Variants in NCS1 observed in about 807,000 individuals in gnomAD.
NCS1 encodes neuronal calcium sensor 1.
In NCS1, 6 loss-of-function variants were observed where a neutral mutation model predicts 28.4. That is an observed-to-expected ratio of 0.21 (90% CI 0.12 to 0.42). NCS1 has a LOEUF of 0.42. NCS1 is among the 10% of genes least tolerant of loss of function. NCS1 has a pLI of 1.00. For missense variants in NCS1, 131 were observed against 241.4 expected, an observed-to-expected ratio of 0.54 and a Z score of 3.03; for synonymous variants, 86 against 99.3, an observed-to-expected ratio of 0.87 and a Z score of 0.79.
At chr9:130,217,615 G>A (rs544205438) in intron 2 of NCS1, among the ~76,000 whole-genome samples, 10 of 152,190 alleles carry the variant, frequency 6.6e-5, no homozygotes, top group Non-Finnish European at 1.0e-4. Flanking sequence ...TTATGCAGAC[G>A]AGGCTAGGAG....
chr9:130,213,480 C>T lies in NCS1; in HGVS notation c.90-4352C>T, dbSNP rs537343639. Among the ~76,000 whole-genome samples, 977 of 152,054 alleles carry T rather than the reference C, an allele frequency of 6.4e-3. 5 individuals are homozygous for T. Among genetic ancestry groups the T allele is most frequent in the Non-Finnish European group, 9.2e-3 (623 of 67,986 alleles). On this transcript the variant is annotated intron_variant, in intron 2 of 7. Transcript: ENST00000372398. ...ATTTTTAGTAGAGACGGGGTTTCACCGTGTCAGCCAGGATGGTCTCCATCT... is the reference window on the plus strand; with the variant it reads ...ATTTTTAGTAGAGACGGGGTTTCACTGTGTCAGCCAGGATGGTCTCCATCT...
rs921764467 is a variant in NCS1 at position 130,226,403 on chromosome 9, G to A, written c.489G>A (p.Lys163=). 5 of 1,614,118 alleles carry A rather than the reference G, an allele frequency of 3.1e-6. No homozygotes were observed. The highest frequency in any genetic ancestry group is 2.2e-5 in the East Asian group (1 of 44,876). The change falls in exon 7 of 8, where the codon AAG becomes AAA. Residue 163 remains lysine (K), a synonymous_variant. Transcript: ENST00000372398. The surrounding 1 kb of genome is among the most constrained non-coding windows in gnomAD (Gnocchi z 4.8). The part of the protein sequence containing the change: ...FAMMDKNADG[K]LTLQEFQEGS... Reference sequence around the variant, plus strand: ...TCTGCTCACAGAATGCCGACGGGAAGCTGACCCTGCAGGAGTTCCAGGAGG... The same window carrying A: ...TCTGCTCACAGAATGCCGACGGGAAACTGACCCTGCAGGAGTTCCAGGAGG...
At chr9:130,225,725 C>T (rs1196225265) in intron 6 of NCS1, among the ~76,000 whole-genome samples, 4 of 152,224 alleles carry the variant, frequency 2.6e-5, no homozygotes, top group South Asian at 2.1e-4. Context: ...ACGCAGCGAG[C>T]GATCCCTGAG....
At position 130,191,813 on chromosome 9, in the gene NCS1, C is replaced by T. The variant is rs551427983; in HGVS notation, c.65-9145C>T. Among the ~76,000 whole-genome samples the T allele has an allele frequency of 6.6e-6, 1 of 152,202 alleles. No homozygotes were observed. Among genetic ancestry groups the T allele is most frequent in the South Asian group, 2.1e-4 (1 of 4,836 alleles). The stretch of plus-strand genomic sequence containing the variant: ...GGGCAGCGAGCAGAGCAGACGGGGC[C>T]CGCCCACCTTTCCTGCCAGCCGCTG... On this transcript the variant is annotated intron_variant, in intron 1 of 7. Coordinates refer to ENST00000372398, the MANE Select transcript of NCS1 (RefSeq NM_014286.4). This position sits in a 1 kb window ranked among gnomAD's most constrained non-coding sequence, Gnocchi z 6.4.
intron 4 of NCS1, among the ~76,000 whole-genome samples, chr9:130,220,750 TTTC>T (rs1374977141): frequency 6.6e-6 from 1 of 150,498 alleles, no homozygotes; most frequent in African/African-American, 2.5e-5. Flanking sequence ...TTTTTCTTTC[TTTC>T]TTTTTTTTTT....
At chr9:130,189,119 G>A (rs2131124822) in intron 1 of NCS1, among the ~76,000 whole-genome samples, 1 of 152,322 alleles carries the variant, frequency 6.6e-6, no homozygotes, top group Middle Eastern at 3.4e-3. Flanking sequence ...AGGAACCTGT[G>A]TCTAGGTCAT....
intron 2 of NCS1, among the ~76,000 whole-genome samples, chr9:130,210,246 A>C (rs149477625): frequency 0.015 from 2,295 of 152,092 alleles, 49 homozygotes; most frequent in African/African-American, 0.052. Flanking sequence ...TAAAAATACA[A>C]AACTTAGCTG....
At chr9:130,173,154 C>G (rs2131109262) in intron 1 of NCS1, among the ~76,000 whole-genome samples, 1 of 151,626 alleles carries the variant, frequency 6.6e-6, no homozygotes, top group South Asian at 2.1e-4. Flanking sequence ...GCCGCCGCCG[C>G]TGCTGCGAGA....
At chr9:130,207,783 C>A (rs1833047777) in intron 2 of NCS1, among the ~76,000 whole-genome samples, 1 of 152,234 alleles carries the variant, frequency 6.6e-6, no homozygotes, top group African/African-American at 2.4e-5. Context: ...CACTGGGCAT[C>A]CCACGGTGCC....
rs1208969231 is a variant in NCS1, at chr9:130,219,665, C to A, written c.229-60C>A. 31 of 1,548,464 alleles carry A rather than the reference C, an allele frequency of 2.0e-5. No homozygotes were observed. The highest frequency in any genetic ancestry group is 2.6e-5 in the Non-Finnish European group (29 of 1,120,938). On this transcript the variant is annotated intron_variant, in intron 3 of 7. Transcript: ENST00000372398. The surrounding 1 kb of genome is among the most constrained non-coding windows in gnomAD (Gnocchi z 5.7). ...ACTGCCCCTCGCCCGTCCCGAGGTT[C>A]AGCCTGACCCGGTGGCCTGGCCGGC...
rs959470235 is a variant in NCS1, at chr9:130,181,148, C to T, written c.64+8421C>T. Reference sequence around the variant, plus strand: ...ACCCAGTGGGGAAGGTACGTCAGGGCCCCAGGGACGGAGTGTGCTTGGGCT... The same window carrying T: ...ACCCAGTGGGGAAGGTACGTCAGGGTCCCAGGGACGGAGTGTGCTTGGGCT... On this transcript the variant is annotated intron_variant, in intron 1 of 7. Coordinates refer to ENST00000372398, the MANE Select transcript of NCS1 (RefSeq NM_014286.4). This position sits in a 1 kb window ranked among gnomAD's most constrained non-coding sequence, Gnocchi z 5.0. Among the ~76,000 whole-genome samples the T allele has an allele frequency of 9.9e-5, 15 of 152,152 alleles. No homozygotes were observed. The highest frequency in any genetic ancestry group is 3.4e-4 in the African/African-American group (14 of 41,420).
intron 2 of NCS1, among the ~76,000 whole-genome samples, chr9:130,212,050 T>A (rs7875376): frequency 6.6e-6 from 1 of 151,896 alleles, no homozygotes; most frequent in Non-Finnish European, 1.5e-5. Context: ...AAGACATCCA[T>A]ATGGACGCCC....
intron 2 of NCS1, among the ~76,000 whole-genome samples, chr9:130,210,270 G>A (rs182124802): frequency 2.7e-4 from 41 of 152,132 alleles, no homozygotes; most frequent in Admixed American, 1.5e-3. Flanking sequence ...ATGGTGGCAC[G>A]CACCTGTAGT....
intron 1 of NCS1, among the ~76,000 whole-genome samples, chr9:130,188,192 G>A (rs914321393): frequency 1.3e-5 from 2 of 152,228 alleles, no homozygotes; most frequent in Non-Finnish European, 2.9e-5. Context: ...ACCACACCAC[G>A]CTGCCTCTGG....
At chr9:130,200,149 G>A (rs1832922204) in intron 1 of NCS1, among the ~76,000 whole-genome samples, 1 of 152,206 alleles carries the variant, frequency 6.6e-6, no homozygotes, top group Non-Finnish European at 1.5e-5. Flanking sequence ...AGGCGCCCAA[G>A]GCAGGGAGTG....
chr9:130,227,527 G>C, intron 7 of NCS1, among the ~76,000 whole-genome samples: 1 of 152,228 alleles, frequency 6.6e-6, no homozygotes, highest in East Asian at 1.9e-4. Context: ...AGTAGTGTAT[G>C]AGAGTTCCAG....
At chr9:130,223,523 G>A (rs1554910921) in intron 6 of NCS1, among the ~76,000 whole-genome samples, 1 of 152,120 alleles carries the variant, frequency 6.6e-6, no homozygotes, top group East Asian at 1.9e-4. Flanking sequence ...AGCTGTCAGA[G>A]TATTTTAAAA....
chr9:130,211,241 G>C (rs1297474559), intron 2 of NCS1, among the ~76,000 whole-genome samples: 1 of 151,480 alleles, frequency 6.6e-6, no homozygotes, highest in Non-Finnish European at 1.5e-5. Context: ...TAATCATAGG[G>C]ACCCCTCTGC....
At chr9:130,198,664 G>A (rs1356481415) in intron 1 of NCS1, among the ~76,000 whole-genome samples, 6 of 152,188 alleles carry the variant, frequency 3.9e-5, no homozygotes, top group Non-Finnish European at 5.9e-5. Context: ...GCTGAGGAGC[G>A]GCAAGCACTT....
Sources: gnomAD v4.1 joint callset for allele counts (sites outside exome capture counted in the v4.1 genomes callset) on GRCh38, gnomAD v4.1.1 for gene constraint, Gnocchi (gnomAD v3.1) non-coding constraint, MANE v1.5 for transcripts, NCBI Gene and HGNC (gene_info 2026-07-23, HGNC 2026-07-21) for gene names.